FANCL: variants seen among roughly 807,000 people sequenced by gnomAD.
The protein encoded by FANCL is E3 ubiquitin-protein ligase FANCL.
In FANCL, 69 loss-of-function variants were observed where a neutral mutation model predicts 59.4. The ratio of observed to expected loss-of-function variants is 1.16; its 90% CI spans 0.96 to 1.42. The LOEUF (loss-of-function observed/expected upper bound fraction) is 1.42. Among genes scored for constraint, FANCL ranks in the 40% most tolerant of loss-of-function variants. The pLI, the probability that FANCL is intolerant of heterozygous loss-of-function variation, is 0.00. For missense variants in FANCL, 519 were observed against 447.2 expected, an observed-to-expected ratio of 1.16 and a Z score of -1.45; for synonymous variants, 180 against 147.1, an observed-to-expected ratio of 1.22 and a Z score of -1.62.
At chr2:58,237,769 G>A (rs1694157219) in intron 1 of FANCL, among the ~76,000 whole-genome samples, 1 of 152,088 alleles carries the variant, frequency 6.6e-6, no homozygotes. Flanking sequence ...CTACCTCTAG[G>A]AGTTGGTGCC....
chr2:58,184,507 C>G (rs141799018), intron 7 of FANCL, among the ~76,000 whole-genome samples: 1 of 152,130 alleles, frequency 6.6e-6, no homozygotes, highest in African/African-American at 2.4e-5. Context: ...CCAAAAATTA[C>G]AACCAGAACT....
At chr2:58,215,538 A>C (rs1416146374) in intron 5 of FANCL, among the ~76,000 whole-genome samples, 6 of 152,178 alleles carry the variant, frequency 3.9e-5, no homozygotes, top group Admixed American at 3.9e-4. Flanking sequence ...AAGAATTGCT[A>C]AACTGACCAG....
At position 58,177,416 on chromosome 2, in the gene FANCL, C is replaced by T. The variant is rs553013264; in HGVS notation, c.541-11542G>A. On this transcript the variant is annotated intron_variant, in intron 7 of 13. Coordinates refer to ENST00000233741, the MANE Select transcript of FANCL (RefSeq NM_018062.4). ...ACAATGATAGACTGGATTAAGAAAACGTGGCACATATACACCATGGAATAC... is the reference window on the plus strand; with the variant it reads ...ACAATGATAGACTGGATTAAGAAAATGTGGCACATATACACCATGGAATAC... Among the ~76,000 whole-genome samples, 629 of 151,832 alleles carry T rather than the reference C, an allele frequency of 4.1e-3. 6 individuals carry two copies. Among genetic ancestry groups the T allele is most frequent in the African/African-American group, 0.014 (596 of 41,382 alleles).
chr2:58,178,986 C>T (rs1687650492), intron 7 of FANCL, among the ~76,000 whole-genome samples: 1 of 152,114 alleles, frequency 6.6e-6, no homozygotes, highest in South Asian at 2.1e-4. Flanking sequence ...TTCACAATTG[C>T]TTCAAAGCGA....
chr2:58,241,295 T>C lies in FANCL; in HGVS notation c.19A>G (p.Ser7Gly). MAVTEA[S>G]LLRQCPLLLP... ...AGCAGGGGGCACTGGCGCAACAGGCTCGCTTCCGTCACCGCCATGGCTCGA... is the reference window on the plus strand; with the variant it reads ...AGCAGGGGGCACTGGCGCAACAGGCCCGCTTCCGTCACCGCCATGGCTCGA... The change falls in exon 1 of 14, where the codon AGC (serine) becomes GGC (glycine). Residue 7 changes from serine to glycine, a missense_variant. Physicochemically the swap from Ser to Gly is moderately conservative, Grantham distance 56. Transcript: ENST00000233741. 6.2e-7 allele frequency: 1 copy of C among 1,614,206 alleles called. No individual in the cohort carries two copies. Among genetic ancestry groups the C allele is most frequent in the Non-Finnish European group, 8.5e-7 (1 of 1,180,026 alleles).
At chr2:58,173,958 G>C (rs1336690818) in intron 7 of FANCL, among the ~76,000 whole-genome samples, 1 of 151,486 alleles carries the variant, frequency 6.6e-6, no homozygotes, top group East Asian at 1.9e-4. Context: ...CAAGCAAATG[G>C]AAAACAAAAA....
At chr2:58,210,787 C>T (rs994353681) in intron 5 of FANCL, among the ~76,000 whole-genome samples, 1 of 152,222 alleles carries the variant, frequency 6.6e-6, no homozygotes, top group African/African-American at 2.4e-5. Context: ...GTCCAAAATC[C>T]AGCAGGGCAA....
intron 7 of FANCL, among the ~76,000 whole-genome samples, chr2:58,192,976 TA>T (rs1239896651): frequency 6.6e-6 from 1 of 151,870 alleles, no homozygotes; most frequent in Admixed American, 6.6e-5. Context: ...GATGATCAAC[TA>T]AAAAATACAA....
At chr2:58,208,084 G>C (rs1212264689) in intron 5 of FANCL, among the ~76,000 whole-genome samples, 1 of 152,032 alleles carries the variant, frequency 6.6e-6, no homozygotes, top group Non-Finnish European at 1.5e-5. Context: ...TCTATGTTAA[G>C]TTGGACGTCT....
At chr2:58,217,570 T>A (rs1326229498) in intron 5 of FANCL, among the ~76,000 whole-genome samples, 3 of 151,862 alleles carry the variant, frequency 2.0e-5, no homozygotes, top group Non-Finnish European at 4.4e-5. Context: ...AAAGTAGACA[T>A]TAAGACAAGA....
At chr2:58,182,627 A>G (rs1239518891) in intron 7 of FANCL, among the ~76,000 whole-genome samples, 2 of 151,828 alleles carry the variant, frequency 1.3e-5, no homozygotes, top group Non-Finnish European at 2.9e-5. Flanking sequence ...TAAAATAGTC[A>G]ATTTGTAACC....
intron 6 of FANCL, among the ~76,000 whole-genome samples, chr2:58,202,919 A>T (rs995873082): frequency 2.6e-4 from 39 of 151,714 alleles, no homozygotes; most frequent in Admixed American, 2.6e-3. Flanking sequence ...AAAACGGCTA[A>T]TTTTACTAAG....
chr2:58,231,932 G>GAAACATTTA lies in FANCL; in HGVS notation c.155+121_155+122insTAAATGTTT, dbSNP rs1693624263. Reference sequence around the variant, plus strand: ...TGGAAAAATCAGAAATGTTTCTTTTGGGGCAAATGACTAATAAGCATTTTA... The same window carrying GAAACATTTA: ...TGGAAAAATCAGAAATGTTTCTTTTGAAACATTTAGGGCAAATGACTAATAAGCATTTTA... On this transcript the variant is annotated intron_variant, in intron 2 of 13. Transcript: ENST00000233741. 5.2e-6 allele frequency: 4 copies of GAAACATTTA among 775,266 alleles called. No individual in the cohort carries two copies. The South Asian group carries it at 6.1e-5, about 12-fold the overall frequency. The allele number at this position is 775,266 out of a possible 1,614,324, so 48.0% of individuals were successfully genotyped here.
Position 58,204,240 on chromosome 2 carries a change from G to C in FANCL, c.375-14C>G, listed in dbSNP as rs1361463338. ...GCATACACAAGTCTGGTGAGCAGAG[G>C]AGAATAAAAAATGATCACACCGGGG... On this transcript the variant is annotated splice_polypyrimidine_tract_variant and intron_variant, in intron 5 of 13. Coordinates refer to ENST00000233741, the MANE Select transcript of FANCL (RefSeq NM_018062.4). 6 of 1,602,790 alleles carry C rather than the reference G, an allele frequency of 3.7e-6. No homozygotes were observed. The highest frequency in any genetic ancestry group is 5.1e-6 in the Non-Finnish European group (6 of 1,169,962).
chr2:58,169,862 T>C (rs1320220566), intron 7 of FANCL, among the ~76,000 whole-genome samples: 6 of 151,908 alleles, frequency 3.9e-5, no homozygotes, highest in Admixed American at 1.3e-4. Context: ...GAAAAAAGAA[T>C]GAGAAGGAAT....
At chr2:58,192,881 C>T (rs1689071502) in intron 7 of FANCL, among the ~76,000 whole-genome samples, 1 of 151,842 alleles carries the variant, frequency 6.6e-6, no homozygotes, top group African/African-American at 2.4e-5. Context: ...CAACAAAAAA[C>T]CTTGCAAACT....
At chr2:58,204,419 A>G (rs2105150494) in intron 5 of FANCL, among the ~76,000 whole-genome samples, 193 bp from the exon 6 acceptor site, 1 of 152,208 alleles carries the variant, frequency 6.6e-6, no homozygotes, top group South Asian at 2.1e-4. Context: ...CCTAGCACTT[A>G]ATGCAGTCAT....
rs1001319149 is a variant in FANCL, at chr2:58,198,577, A to T, written c.540+17T>A. On this transcript the variant is annotated intron_variant, in intron 7 of 13. Transcript: ENST00000233741. ...TTACTTAAAACAAATTTAAGAATTT[A>T]CCTGAGGAGAATTTACCTGAGGTGT... 7.5e-6 allele frequency: 12 copies of T among 1,604,428 alleles called. No homozygotes were observed. The highest frequency in any genetic ancestry group is 1.0e-5 in the Non-Finnish European group (12 of 1,171,682).
chr2:58,195,243 T>C (rs570750083), intron 7 of FANCL, among the ~76,000 whole-genome samples: 26 of 152,234 alleles, frequency 1.7e-4, no homozygotes, highest in African/African-American at 6.3e-4. Context: ...AACACTCTTA[T>C]CATGTCTAAA....
Sources: gnomAD v4.1 joint callset for allele counts (sites outside exome capture counted in the v4.1 genomes callset) on GRCh38, gnomAD v4.1.1 for gene constraint, MANE v1.5 for transcripts, NCBI Gene and HGNC (gene_info 2026-07-23, HGNC 2026-07-21) for gene names.